Variants in TRMO observed in about 807,000 individuals in gnomAD.
TRMO encodes tRNA methyltransferase O, also known as tRNA (adenine(37)-N6)-methyltransferase.
In TRMO, 30 loss-of-function variants were observed where a neutral mutation model predicts 37.2. That is an observed-to-expected ratio of 0.81 (90% CI 0.60 to 1.09). The LOEUF (loss-of-function observed/expected upper bound fraction) is 1.09. TRMO is among the 50% of genes least tolerant of loss of function. TRMO has a pLI of 0.00. For synonymous variants in TRMO, 239 were observed against 199.4 expected (o/e 1.20, Z -1.67); for missense variants, 552 against 549.5 (o/e 1.00, Z -0.05).
chr9:97,897,362 TGTGA>T, the TRMO span, among the ~76,000 whole-genome samples: 1 of 152,232 alleles, frequency 6.6e-6, no homozygotes, highest in Non-Finnish European at 1.5e-5. Flanking sequence ...AGGGCCAGAT[TGTGA>T]GTATGTTCAG....
At chr9:97,908,445 C>A (rs1351498645) in intron 4 of TRMO, among the ~76,000 whole-genome samples, 1 of 150,594 alleles carries the variant, frequency 6.6e-6, no homozygotes, top group East Asian at 1.9e-4. Flanking sequence ...AAATATTAGC[C>A]AGGTGTTGTG....
At chr9:97,920,663 A>G (rs1010699289) in intron 1 of TRMO, among the ~76,000 whole-genome samples, 5 of 152,198 alleles carry the variant, frequency 3.3e-5, no homozygotes, top group Non-Finnish European at 5.9e-5. Context: ...CAAGCAATCA[A>G]TGTGGGGTTT....
At chr9:97,907,234 G>A (rs1345764967) in intron 4 of TRMO, among the ~76,000 whole-genome samples, 1 of 152,154 alleles carries the variant, frequency 6.6e-6, no homozygotes, top group African/African-American at 2.4e-5. Flanking sequence ...TGCATGTTGG[G>A]GCTAAAACCA....
chr9:97,922,299 G>A, intron 1 of TRMO, 119 bp downstream of exon 1: 2 of 705,666 alleles, frequency 2.8e-6, no homozygotes, highest in Non-Finnish European at 4.8e-6. Flanking sequence ...CTTCGCCGTA[G>A]GTAAAAGAAT....
At chr9:97,915,347 G>A (rs1204995134) in intron 2 of TRMO, among the ~76,000 whole-genome samples, 1 of 152,146 alleles carries the variant, frequency 6.6e-6, no homozygotes, top group African/African-American at 2.4e-5. Flanking sequence ...AATATTTTAG[G>A]ACATGCAGGC....
intron 2 of TRMO, chr9:97,913,885 A>T (rs1564110622): frequency 4.5e-6 from 1 of 221,594 alleles, no homozygotes; most frequent in African/African-American, 2.3e-5. Context: ...ACATTTTTAC[A>T]CTCATTTCAT....
chr9:97,917,370 A>G (rs1188441554), intron 1 of TRMO, among the ~76,000 whole-genome samples: 2 of 152,242 alleles, frequency 1.3e-5, no homozygotes, highest in East Asian at 3.8e-4. Context: ...GGCTTGGTCC[A>G]GTAGCCTACT....
At chr9:97,901,556 G>A (rs1184117800), downstream of TRMO, among the ~76,000 whole-genome samples, 1 of 152,004 alleles carries the variant, frequency 6.6e-6, no homozygotes, top group African/African-American at 2.4e-5. Context: ...GTGTATTTGT[G>A]TGTGTGTGTA....
At chr9:97,921,460 G>C (rs1826628241) in intron 1 of TRMO, among the ~76,000 whole-genome samples, 1 of 142,248 alleles carries the variant, frequency 7.0e-6, no homozygotes, top group Admixed American at 7.4e-5. Context: ...GTCTCGCTCT[G>C]TCGCCCAGGC....
chr9:97,917,845 ATTT>A (rs112794003), intron 1 of TRMO, among the ~76,000 whole-genome samples: 1 of 134,286 alleles, frequency 7.4e-6, no homozygotes, highest in Admixed American at 7.5e-5. Context: ...TGCCCATCTA[ATTT>A]TTTTTTTTTT....
At chr9:97,911,013 C>T in intron 3 of TRMO, 1 of 465,276 alleles carries the variant, frequency 2.1e-6, no homozygotes, top group Non-Finnish European at 4.3e-6. Flanking sequence ...CTGGGACCAA[C>T]TCATCTTTGT....
chr9:97,910,769 C>T, intron 3 of TRMO, 153 bp from the exon 4 acceptor site: 1 of 848,546 alleles, frequency 1.2e-6, no homozygotes, highest in Non-Finnish European at 1.8e-6. Flanking sequence ...ACCCTTCTTG[C>T]TACCTGGTAG....
intron 4 of TRMO, among the ~76,000 whole-genome samples, chr9:97,906,114 C>T (rs1054590626): frequency 6.7e-5 from 10 of 150,358 alleles, no homozygotes; most frequent in African/African-American, 2.2e-4. Context: ...GCCAAGATTG[C>T]ACCACTGCAC....
downstream of TRMO, among the ~76,000 whole-genome samples, chr9:97,901,081 G>C (rs1288315057): frequency 3.3e-5 from 5 of 152,190 alleles, no homozygotes; most frequent in Non-Finnish European, 7.3e-5. Flanking sequence ...GTTCTTTAAA[G>C]CTGGGGCAGG....
the TRMO span, among the ~76,000 whole-genome samples, chr9:97,897,806 T>C: frequency 4.6e-5 from 7 of 152,246 alleles, no homozygotes; most frequent in Non-Finnish European, 8.8e-5. Flanking sequence ...TCAAGCTATC[T>C]ACGAGGCAGA....
chr9:97,913,164 T>C, intron 3 of TRMO: 1 of 501,662 alleles, frequency 2.0e-6, no homozygotes, highest in Non-Finnish European at 3.6e-6. Flanking sequence ...CTAAATAATT[T>C]AATAGTTTTG....
At chr9:97,917,513 A>G (rs946343520) in intron 1 of TRMO, among the ~76,000 whole-genome samples, 6 of 152,228 alleles carry the variant, frequency 3.9e-5, no homozygotes, top group Non-Finnish European at 7.3e-5. Flanking sequence ...AAAAGATCAT[A>G]TATGTCTAAA....
chr9:97,906,079 AC>A (rs1286830127), intron 4 of TRMO, among the ~76,000 whole-genome samples: 1 of 150,820 alleles, frequency 6.6e-6, no homozygotes, highest in African/African-American at 2.4e-5. Context: ...GATCACTTGA[AC>A]CCGGGAGGTG....
At chr9:97,906,349 C>A (rs924235807) in intron 4 of TRMO, among the ~76,000 whole-genome samples, 1 of 152,068 alleles carries the variant, frequency 6.6e-6, no homozygotes, top group African/African-American at 2.4e-5. Context: ...AATTCCCTGC[C>A]TACTCATCCT....
Sources: allele counts gnomAD v4.1 joint callset (sites outside exome capture counted in the v4.1 genomes callset), GRCh38; gene constraint gnomAD v4.1.1; transcripts MANE v1.5; gene names NCBI Gene and HGNC (gene_info 2026-07-23, HGNC 2026-07-21).